Variants in ANKRD33B observed in about 807,000 individuals in gnomAD.
ANKRD33B encodes the protein ankyrin repeat domain 33B.
In ANKRD33B, 6 loss-of-function variants were observed where a neutral mutation model predicts 21.5. The ratio of observed to expected loss-of-function variants is 0.28; its 90% CI spans 0.15 to 0.55. The LOEUF (loss-of-function observed/expected upper bound fraction) is 0.55. Among genes scored for constraint, ANKRD33B ranks in the 20% least tolerant of loss-of-function variants. The pLI is 0.94. For missense variants in ANKRD33B, 698 were observed against 747.2 expected (o/e 0.93, Z 0.77); for synonymous variants, 347 against 342.4 (o/e 1.01, Z -0.15).
chr5:10,615,908 C>T (rs903035946), intron 1 of ANKRD33B, among the ~76,000 whole-genome samples: 7 of 152,140 alleles, frequency 4.6e-5, no homozygotes, highest in African/African-American at 1.7e-4. Context: ...GTGGTGGCAG[C>T]GAACTCTTAG....
chr5:10,616,434 C>T (rs181831495), intron 1 of ANKRD33B, among the ~76,000 whole-genome samples: 3 of 151,908 alleles, frequency 2.0e-5, no homozygotes, highest in Non-Finnish European at 2.9e-5. Flanking sequence ...CGTGGTGGCA[C>T]ATGACTGTAA....
Position 10,564,954 on chromosome 5 carries a change from G to T in ANKRD33B, c.366+121G>T, listed in dbSNP as rs1004113312. Reference sequence around the variant, plus strand: ...CCGGTCCCTCGGTCACTCAGCCGCCGCCCAGAGCGCCTTTTCCCCGCTGTT... The same window carrying T: ...CCGGTCCCTCGGTCACTCAGCCGCCTCCCAGAGCGCCTTTTCCCCGCTGTT... On this transcript the variant is annotated intron_variant, in intron 1 of 3. Transcript: ENST00000296657. 1.9e-5 allele frequency: 25 copies of T among 1,320,624 alleles called. No individual in the cohort carries two copies. The African/African-American group carries it at 3.4e-4, about 18-fold the overall frequency. 81.8% of individuals were successfully genotyped at this position (1,320,624 alleles called of 1,614,324 possible).
At chr5:10,596,760 T>C (rs1354116314) in intron 1 of ANKRD33B, among the ~76,000 whole-genome samples, 1 of 151,770 alleles carries the variant, frequency 6.6e-6, no homozygotes, top group East Asian at 1.9e-4. Context: ...TTCTCCAAGG[T>C]TGAAATGAAA....
Position 10,612,504 on chromosome 5 carries a change from G to C in ANKRD33B, c.367-5829G>C, listed in dbSNP as rs1350023201. ...AGGATTTCAACATATGAATTTTGAA[G>C]GGACACAAACGTTCCGTCCATGGCA... is the stretch of plus-strand genomic sequence containing the variant. On this transcript the variant is annotated intron_variant, in intron 1 of 3. Transcript: ENST00000296657. Among the ~76,000 whole-genome samples, 4 of 152,196 alleles carry C rather than the reference G, an allele frequency of 2.6e-5. No individual in the cohort carries two copies. The South Asian group carries it at 6.2e-4, about 24-fold the overall frequency.
At chr5:10,579,211 C>T (rs1827126) in intron 1 of ANKRD33B, among the ~76,000 whole-genome samples, 132,468 of 148,230 alleles carry the variant, frequency 0.89, 59,214 homozygotes, top group Middle Eastern at 0.96. Context: ...TTTAATTCCC[C>T]AGTTTTAATC....
At chr5:10,604,315 C>T (rs1471649377) in intron 1 of ANKRD33B, among the ~76,000 whole-genome samples, 1 of 151,146 alleles carries the variant, frequency 6.6e-6, no homozygotes, top group African/African-American at 2.4e-5. Flanking sequence ...CCTCAGCCTC[C>T]CGAGTAGCTG....
intron 2 of ANKRD33B, among the ~76,000 whole-genome samples, chr5:10,629,117 G>A (rs765490439): frequency 1.8e-4 from 28 of 152,216 alleles, no homozygotes; most frequent in Non-Finnish European, 2.9e-4. Context: ...GGAGAGTTTC[G>A]GATGAGTAGT....
intron 1 of ANKRD33B, among the ~76,000 whole-genome samples, chr5:10,567,509 T>A (rs1204139113): frequency 6.6e-6 from 1 of 152,060 alleles, no homozygotes; most frequent in African/African-American, 2.4e-5. Flanking sequence ...GCTTTTCACA[T>A]GACGGTGTCC....
chr5:10,603,700 GT>G (rs1480851836), intron 1 of ANKRD33B, among the ~76,000 whole-genome samples: 4 of 151,880 alleles, frequency 2.6e-5, no homozygotes, highest in African/African-American at 4.8e-5. Context: ...TTTCTCTCTT[GT>G]TTTTTGTCAT....
chr5:10,618,481 C>A lies in ANKRD33B; in HGVS notation c.496+19C>A. 6.6e-7 allele frequency: 1 copy of A among 1,514,028 alleles called. No homozygotes were observed. Among genetic ancestry groups the A allele is most frequent in the Non-Finnish European group, 8.8e-7 (1 of 1,133,730 alleles). 93.8% of individuals were successfully genotyped at this position (1,514,028 alleles called of 1,614,324 possible). A position where few individuals can be genotyped will look rare whatever the true frequency, so the allele number is the denominator to read the frequency against. ...CAGGCAGGTAAGAGCTGGCTTTCCC[C>A]TTTCCTCTCAGAGCCGTGGCCAGAG... is the stretch of plus-strand genomic sequence containing the variant. On this transcript the variant is annotated intron_variant, in intron 2 of 3. Transcript: ENST00000296657.
chr5:10,641,750 AAGTTCAGT>A (rs1282694659), intron 3 of ANKRD33B, among the ~76,000 whole-genome samples: 2 of 152,164 alleles, frequency 1.3e-5, no homozygotes, highest in Admixed American at 6.5e-5. Context: ...TAATAAAAAT[AAGTTCAGT>A]GAATGAGAAT....
chr5:10,594,778 TG>T (rs1353895518), intron 1 of ANKRD33B, among the ~76,000 whole-genome samples: 1 of 152,152 alleles, frequency 6.6e-6, no homozygotes, highest in Admixed American at 6.5e-5. Context: ...GCGATGTGGG[TG>T]GGATTCGGCA....
chr5:10,607,783 C>T (rs548548468), intron 1 of ANKRD33B, among the ~76,000 whole-genome samples: 7 of 152,274 alleles, frequency 4.6e-5, no homozygotes, highest in South Asian at 4.1e-4. Flanking sequence ...ACACACTGGA[C>T]GATGAGCTTC....
intron 1 of ANKRD33B, among the ~76,000 whole-genome samples, chr5:10,586,188 C>T (rs1245040285): frequency 6.6e-6 from 1 of 151,790 alleles, no homozygotes. Flanking sequence ...GACTCCCCCA[C>T]CTATACCCAA....
intron 1 of ANKRD33B, among the ~76,000 whole-genome samples, chr5:10,565,601 A>G (rs1342814202): frequency 1.3e-5 from 2 of 152,234 alleles, no homozygotes. Flanking sequence ...TTTCGTTATG[A>G]CCAGATTCAG....
At chr5:10,637,124 C>A (rs1349345367) in intron 2 of ANKRD33B, among the ~76,000 whole-genome samples, 1 of 152,184 alleles carries the variant, frequency 6.6e-6, no homozygotes, top group Non-Finnish European at 1.5e-5. Context: ...GACTTATGAG[C>A]TAGCCGGCAT....
Position 10,603,582 on chromosome 5 carries a change from A to G in ANKRD33B, c.367-14751A>G, listed in dbSNP as rs921667160. ...CCAGCCCCATCCTTAAACATTTTGT[A>G]TTTTCTGATTATTAAATAAAAATAG... On this transcript the variant is annotated intron_variant, in intron 1 of 3. Transcript: ENST00000296657. Among the ~76,000 whole-genome samples, 143 of 152,122 alleles carry G rather than the reference A, an allele frequency of 9.4e-4. 2 individuals carry two copies. The highest frequency in any genetic ancestry group is 8.9e-3 in the Admixed American group (136 of 15,270).
At chr5:10,565,429 G>T (rs931597297) in intron 1 of ANKRD33B, among the ~76,000 whole-genome samples, 5 of 152,210 alleles carry the variant, frequency 3.3e-5, no homozygotes, top group Non-Finnish European at 7.3e-5. Context: ...TGTGGCCCGC[G>T]CCGCGACCAG....
At chr5:10,618,268 C>A in intron 1 of ANKRD33B, 65 bp from the exon 2 acceptor site, 1 of 1,532,540 alleles carries the variant, frequency 6.5e-7, no homozygotes, top group South Asian at 1.2e-5. Context: ...CCCTCGGGGT[C>A]CCCAGTGCTG....
Sources: gnomAD v4.1 joint callset for allele counts (sites outside exome capture counted in the v4.1 genomes callset) on GRCh38, gnomAD v4.1.1 for gene constraint, MANE v1.5 for transcripts, NCBI Gene and HGNC (gene_info 2026-07-23, HGNC 2026-07-21) for gene names.